GOLGA4: variants seen among roughly 807,000 people sequenced by gnomAD.
GOLGA4 encodes the protein golgin subfamily A member 4.
GOLGA4 carries 169 observed loss-of-function variants against 265.9 expected under a neutral mutation model. The ratio of observed to expected loss-of-function variants is 0.64; its 90% confidence interval spans 0.56 to 0.72. GOLGA4 has a LOEUF of 0.72. Ranked by LOEUF, GOLGA4 falls within the 30% of genes least tolerant of loss-of-function variation. GOLGA4 has a pLI of 0.00. For synonymous variants in GOLGA4, 923 were observed against 855.8 expected, an observed-to-expected ratio of 1.08 and a Z score of -1.37; for missense variants, 2,482 against 2,483.4, an observed-to-expected ratio of 1.00 and a Z score of 0.01.
chr3:37,345,929 A>G (rs1301238494), intron 20 of GOLGA4, among the ~76,000 whole-genome samples: 3 of 151,964 alleles, frequency 2.0e-5, no homozygotes, highest in Non-Finnish European at 4.4e-5. Flanking sequence ...CCTGGGCGAC[A>G]GAGCGAGACT....
rs946551389 is a variant in GOLGA4 at position 37,266,065 on chromosome 3, C to T, written c.162+14581C>T. Among the ~76,000 whole-genome samples, 10 of 150,444 alleles carry T rather than the reference C, an allele frequency of 6.6e-5. No homozygotes were observed. The South Asian group carries it at 1.1e-3, about 16-fold the overall frequency. On this transcript the variant is annotated intron_variant, in intron 2 of 23. Transcript: ENST00000361924. ...AAAAAAAAATTTTAACGTTATAATA[C>T]GGTATTGTTAACTGTAGGCACTATG...
At chr3:37,276,440 A>T in intron 2 of GOLGA4, 1 of 1,610,152 alleles carries the variant, frequency 6.2e-7, no homozygotes, top group Non-Finnish European at 8.5e-7. Context: ...AGAGCATCAG[A>T]TGGCCAAGAC....
intron 8 of GOLGA4, 96 bp from the exon 9 acceptor site, chr3:37,299,192 C>A: frequency 2.1e-6 from 2 of 950,344 alleles, no homozygotes; most frequent in Non-Finnish European, 3.3e-6. Flanking sequence ...TTTCCTTCTG[C>A]ACTGTAACAT....
intron 3 of GOLGA4, among the ~76,000 whole-genome samples, chr3:37,284,506 C>G (rs927163235): frequency 1.3e-5 from 2 of 151,990 alleles, no homozygotes; most frequent in Admixed American, 6.6e-5. Flanking sequence ...CCCACCTTGG[C>G]CTCCCAGAGT....
chr3:37,310,840 A>G (rs2096921286), intron 10 of GOLGA4, among the ~76,000 whole-genome samples: 1 of 151,696 alleles, frequency 6.6e-6, no homozygotes, highest in Non-Finnish European at 1.5e-5. Context: ...TAGCCTTCCT[A>G]TTGATGTGTG....
intron 5 of GOLGA4, 28 bp from the exon 6 acceptor site, chr3:37,294,951 A>G: frequency 6.9e-7 from 1 of 1,454,122 alleles, no homozygotes. Context: ...TATACTGAAA[A>G]TTACCTGTAA....
At chr3:37,284,815 A>G (rs902529879) in intron 3 of GOLGA4, among the ~76,000 whole-genome samples, 7 of 151,824 alleles carry the variant, frequency 4.6e-5, no homozygotes, top group African/African-American at 1.7e-4. Flanking sequence ...ACAGGCACAC[A>G]CCACCACACC....
chr3:37,279,445 G>A (rs764241812), intron 2 of GOLGA4, among the ~76,000 whole-genome samples: 1 of 152,164 alleles, frequency 6.6e-6, no homozygotes, highest in Non-Finnish European at 1.5e-5. Flanking sequence ...TCTCTCATGC[G>A]AGCATGCCCA....
intron 2 of GOLGA4, among the ~76,000 whole-genome samples, chr3:37,269,874 T>C (rs2096793434): frequency 6.8e-6 from 1 of 147,882 alleles, no homozygotes; most frequent in African/African-American, 2.5e-5. Context: ...TTTCAAACAA[T>C]TGTAGGGTAG....
At chr3:37,272,290 C>G (rs542947124) in intron 2 of GOLGA4, among the ~76,000 whole-genome samples, 23 of 152,282 alleles carry the variant, frequency 1.5e-4, no homozygotes, top group Admixed American at 9.8e-4. Context: ...GTGGCTCACA[C>G]TTGTAATCCC....
intron 23 of GOLGA4, among the ~76,000 whole-genome samples, chr3:37,362,755 C>T (rs185446517): frequency 6.6e-4 from 94 of 143,366 alleles, no homozygotes; most frequent in Admixed American, 2.5e-3. Flanking sequence ...TGGGCTCAAG[C>T]GATCTTCCTA....
At chr3:37,276,227 G>A in intron 2 of GOLGA4, 3 of 1,558,310 alleles carry the variant, frequency 1.9e-6, no homozygotes, top group Non-Finnish European at 2.6e-6. Flanking sequence ...TATATATCAA[G>A]AAATAAGGAA....
chr3:37,296,007 C>G, intron 6 of GOLGA4, 80 bp from the exon 7 acceptor site: 1 of 1,270,612 alleles, frequency 7.9e-7, no homozygotes, highest in Non-Finnish European at 1.1e-6. Flanking sequence ...TGGAACCAAT[C>G]CCCCACAGAT....
intron 2 of GOLGA4, chr3:37,276,339 C>T (rs1320864003): frequency 3.7e-6 from 6 of 1,606,566 alleles, no homozygotes; most frequent in African/African-American, 2.7e-5. Context: ...GGGAATATTC[C>T]TCCTGACTTA....
chr3:37,361,341 A>G, intron 23 of GOLGA4, 36 bp downstream of exon 23: 4 of 1,477,812 alleles, frequency 2.7e-6, no homozygotes, highest in Middle Eastern at 1.7e-4. Flanking sequence ...CTTTTGTGCA[A>G]AAATCAAATG....
chr3:37,282,167 T>G lies in GOLGA4; in HGVS notation c.372T>G (p.Ala124=). The G allele has an allele frequency of 6.2e-7, 1 of 1,614,206 alleles. No individual in the cohort carries two copies. Among genetic ancestry groups the G allele is most frequent in the Non-Finnish European group, 8.5e-7 (1 of 1,179,992 alleles). Residue 124 remains alanine (A), a synonymous_variant, in exon 3 of 24, where the codon GCT becomes GCG. Transcript: ENST00000361924. The part of the protein sequence containing the change: ...FDPPSDMDSE[A]EDLVGNSDSL... Reference sequence around the variant, plus strand: ...CACCCTCTGATATGGATAGCGAGGCTGAAGACTTGGTAGGGAATTCAGACA... The same window carrying G: ...CACCCTCTGATATGGATAGCGAGGCGGAAGACTTGGTAGGGAATTCAGACA...
intron 2 of GOLGA4, chr3:37,267,026 C>A: frequency 2.1e-6 from 1 of 475,320 alleles, no homozygotes; most frequent in Non-Finnish European, 3.8e-6. Flanking sequence ...ATGTTACTTG[C>A]CACTTACCAT....
intron 11 of GOLGA4, among the ~76,000 whole-genome samples, chr3:37,316,622 T>TC (rs1365744802): frequency 6.6e-6 from 1 of 152,176 alleles, no homozygotes; most frequent in Non-Finnish European, 1.5e-5. Flanking sequence ...TATCATGGAC[T>TC]CCAACAACTT....
chr3:37,263,871 T>C (rs967476527), intron 2 of GOLGA4, among the ~76,000 whole-genome samples: 3 of 152,222 alleles, frequency 2.0e-5, no homozygotes, highest in Non-Finnish European at 2.9e-5. Flanking sequence ...CTTAGCAGAA[T>C]TGCAGCAGAA....
Sources: gnomAD v4.1 joint callset for allele counts (sites outside exome capture counted in the v4.1 genomes callset) on GRCh38, gnomAD v4.1.1 for gene constraint, MANE v1.5 for transcripts, NCBI Gene and HGNC (gene_info 2026-07-23, HGNC 2026-07-21) for gene names.